Variants in DGKG observed in about 807,000 individuals in gnomAD.
DGKG encodes the protein DAG kinase gamma.
In DGKG, 78 loss-of-function variants were observed where a neutral mutation model predicts 105.3. The ratio of observed to expected loss-of-function variants is 0.74; its 90% CI spans 0.62 to 0.89. DGKG has a LOEUF of 0.89. Ranked by LOEUF, DGKG falls within the 40% of genes least tolerant of loss-of-function variation. DGKG has a pLI of 0.00. For missense variants in DGKG, 958 were observed against 1,020.1 expected (o/e 0.94, Z 0.83); for synonymous variants, 346 against 367.1 (o/e 0.94, Z 0.66).
At chr3:186,323,483 C>A (rs1387186761) in intron 1 of DGKG, among the ~76,000 whole-genome samples, 2 of 152,102 alleles carry the variant, frequency 1.3e-5, no homozygotes, top group African/African-American at 4.8e-5. Context: ...AAGAAGGAGC[C>A]ACTAGTGCTT....
intron 22 of DGKG, among the ~76,000 whole-genome samples, chr3:186,165,471 A>G (rs773435564): frequency 1.5e-4 from 23 of 152,222 alleles, no homozygotes; most frequent in Non-Finnish European, 3.1e-4. Flanking sequence ...ACTGACAATG[A>G]CTGATGGTTA....
At chr3:186,260,407 G>A (rs767212260) in intron 16 of DGKG, 32 bp downstream of exon 16, 11 of 1,497,934 alleles carry the variant, frequency 7.3e-6, no homozygotes, top group Non-Finnish European at 1.0e-5. Context: ...GGGAGGGGGA[G>A]AAATAAGAGG....
At chr3:186,358,164 T>A (rs1727059845) in intron 1 of DGKG, among the ~76,000 whole-genome samples, 2 of 152,252 alleles carry the variant, frequency 1.3e-5, no homozygotes, top group Admixed American at 1.3e-4. Context: ...TGACTATGGA[T>A]TGGCACTATC....
At position 186,149,954 on chromosome 3, in the gene DGKG, T is replaced by A; in HGVS notation, c.*136A>T. The A allele has an allele frequency of 2.8e-6, 4 of 1,427,756 alleles. No homozygotes were observed. Among genetic ancestry groups the A allele is most frequent in the Non-Finnish European group, 2.7e-6 (3 of 1,093,956 alleles). The allele number at this position is 1,427,756 out of a possible 1,614,324, so 88.4% of individuals were successfully genotyped here. A position where few individuals can be genotyped will look rare whatever the true frequency, so the allele number is the denominator to read the frequency against. On this transcript the variant is annotated 3_prime_UTR_variant, in exon 25 of 25. Transcript: ENST00000265022. ...TGACGTTTTCTTCCCGAAGGGTGGC[T>A]TTGCTTCCACTGGTTAGAGAAGAGT...
chr3:186,310,389 T>A (rs1409512728), intron 2 of DGKG, among the ~76,000 whole-genome samples: 5 of 151,838 alleles, frequency 3.3e-5, no homozygotes, highest in Non-Finnish European at 7.4e-5. Context: ...TGGGCTTTCA[T>A]AGGATTATAG....
At chr3:186,299,308 T>G (rs946354703) in intron 3 of DGKG, among the ~76,000 whole-genome samples, 1 of 152,238 alleles carries the variant, frequency 6.6e-6, no homozygotes, top group African/African-American at 2.4e-5. Context: ...ACCCCTTGTC[T>G]GTTCTGGGAG....
intron 17 of DGKG, 71 bp from the exon 18 acceptor site, chr3:186,253,253 C>G: frequency 7.9e-7 from 1 of 1,261,892 alleles, no homozygotes; most frequent in Non-Finnish European, 1.2e-6. Flanking sequence ...GTCTTTTTAT[C>G]CCTGATCTGA....
chr3:186,344,341 C>T (rs1726228110), intron 1 of DGKG, among the ~76,000 whole-genome samples: 1 of 152,146 alleles, frequency 6.6e-6, no homozygotes, highest in South Asian at 2.1e-4. Context: ...AGCATAAATG[C>T]TCATCAGTGA....
intron 22 of DGKG, among the ~76,000 whole-genome samples, chr3:186,184,164 C>T (rs1400491996): frequency 1.3e-5 from 2 of 151,764 alleles, no homozygotes; most frequent in Non-Finnish European, 2.9e-5. Flanking sequence ...GTTCCAGGCA[C>T]TTTCACATCC....
At chr3:186,301,286 A>G (rs1723907970) in intron 3 of DGKG, among the ~76,000 whole-genome samples, 2 of 152,126 alleles carry the variant, frequency 1.3e-5, no homozygotes, top group South Asian at 2.1e-4. Flanking sequence ...TCCTTGCCCT[A>G]TTGATCTTCC....
chr3:186,260,627 G>C, intron 15 of DGKG, 114 bp from the exon 16 acceptor site: 1 of 814,088 alleles, frequency 1.2e-6, no homozygotes, highest in South Asian at 1.6e-5. Context: ...AGGGATGAGG[G>C]TTCATTTAAA....
chr3:186,355,987 G>A (rs1726937514), intron 1 of DGKG, among the ~76,000 whole-genome samples: 2 of 152,128 alleles, frequency 1.3e-5, no homozygotes, highest in South Asian at 4.1e-4. Context: ...TTGCTTCTTT[G>A]ACAAGATTAT....
chr3:186,324,111 A>G (rs942689520), intron 1 of DGKG, among the ~76,000 whole-genome samples: 3 of 150,916 alleles, frequency 2.0e-5, no homozygotes, highest in Non-Finnish European at 4.4e-5. Context: ...TGTCAAAAAA[A>G]AAAAAAAAAA....
intron 17 of DGKG, among the ~76,000 whole-genome samples, chr3:186,254,126 G>T (rs912806656): frequency 6.6e-6 from 1 of 152,212 alleles, no homozygotes; most frequent in African/African-American, 2.4e-5. Context: ...GAGAGCTGAA[G>T]AGGGCACAGG....
At chr3:186,198,049 T>C (rs190215010) in intron 21 of DGKG, among the ~76,000 whole-genome samples, 7 of 152,376 alleles carry the variant, frequency 4.6e-5, no homozygotes, top group African/African-American at 1.7e-4. Context: ...GACAGCTCTG[T>C]GTTCTTCACA....
chr3:186,181,545 C>T (rs148263712), intron 22 of DGKG, among the ~76,000 whole-genome samples: 1 of 152,250 alleles, frequency 6.6e-6, no homozygotes, highest in East Asian at 1.9e-4. Context: ...CTAGTCTGGC[C>T]AGCATGGCGA....
rs187028894 is a variant in DGKG, at chr3:186,194,591, T to A, written c.1918-6212A>T. Among the ~76,000 whole-genome samples the A allele has an allele frequency of 2.8e-3, 428 of 152,286 alleles. 2 individuals are homozygous for A. The highest frequency in any genetic ancestry group is 9.7e-3 in the African/African-American group (404 of 41,578). On this transcript the variant is annotated intron_variant, in intron 21 of 24. Transcript: ENST00000265022. ...GATTCACCGTGCCACAGATTTGGTT[T>A]GGACGCAGACGGTTCTGTTTATAGG...
chr3:186,257,063 A>C (rs932247385), intron 17 of DGKG, among the ~76,000 whole-genome samples: 1 of 152,146 alleles, frequency 6.6e-6, no homozygotes, highest in African/African-American at 2.4e-5. Flanking sequence ...CACATCATGG[A>C]GCACAGGCAG....
chr3:186,309,102 A>G (rs998570686), intron 2 of DGKG, among the ~76,000 whole-genome samples: 1 of 152,208 alleles, frequency 6.6e-6, no homozygotes, highest in Non-Finnish European at 1.5e-5. Flanking sequence ...GGGTGACACA[A>G]TGATATGAAG....
Sources: allele counts gnomAD v4.1 joint callset (sites outside exome capture counted in the v4.1 genomes callset), GRCh38; gene constraint gnomAD v4.1.1; transcripts MANE v1.5; gene names NCBI Gene and HGNC (gene_info 2026-07-23, HGNC 2026-07-21).